The following GREB1 variants were observed in gnomAD, a reference collection of about 807,000 sequenced individuals.
GREB1 encodes the protein protein GREB1.
Under a neutral mutation model 200.7 loss-of-function variants are expected in GREB1, and 106 were observed. The observed-to-expected ratio is 0.53, with a 90% CI of 0.45 to 0.62. GREB1 has a LOEUF of 0.62. Among genes scored for constraint, GREB1 ranks in the 20% least tolerant of loss-of-function variants. The pLI is 0.00. For missense variants in GREB1, 2,243 were observed against 2,556.8 expected (o/e 0.88, Z 2.65); for synonymous variants, 1,132 against 1,092.4 (o/e 1.04, Z -0.72).
intron 1 of GREB1, among the ~76,000 whole-genome samples, chr2:11,520,192 G>A (rs1673655319): frequency 6.6e-6 from 1 of 152,180 alleles, no homozygotes; most frequent in African/African-American, 2.4e-5. Flanking sequence ...ACTCAGCCTT[G>A]TTTTAAGCTC....
At chr2:11,566,017 G>A (rs1677605357) in intron 3 of GREB1, among the ~76,000 whole-genome samples, 1 of 131,106 alleles carries the variant, frequency 7.6e-6, no homozygotes, top group Non-Finnish European at 1.5e-5. Flanking sequence ...GGATAACTAT[G>A]ATTATATATA....
chr2:11,516,201 TC>T (rs1230568458), intron 1 of GREB1, among the ~76,000 whole-genome samples: 1 of 152,126 alleles, frequency 6.6e-6, no homozygotes, highest in Non-Finnish European at 1.5e-5. Context: ...CCCAGCTTTT[TC>T]TCCTTAGTCC....
rs149265186 is a variant in GREB1 at position 11,570,291 on chromosome 2, C to T, written c.454+3635C>T. ...GGCCGTGGTGGCACATGCCTGTAAT[C>T]CCAGCTACTCGGGAGGCTGAGACAG... is the stretch of plus-strand genomic sequence containing the variant. On this transcript the variant is annotated intron_variant, in intron 4 of 32. Coordinates refer to ENST00000381486, the MANE Select transcript of GREB1 (RefSeq NM_014668.4). Among the ~76,000 whole-genome samples, 292 of 151,912 alleles carry T rather than the reference C, an allele frequency of 1.9e-3. 1 individual carries two copies. Among genetic ancestry groups the T allele is most frequent in the South Asian group, 0.013 (64 of 4,798 alleles).
At chr2:11,494,661 G>C (rs767602722) in intron 1 of GREB1, among the ~76,000 whole-genome samples, 2 of 152,176 alleles carry the variant, frequency 1.3e-5, no homozygotes, top group Non-Finnish European at 2.9e-5. Context: ...TAATGGGTGT[G>C]TAGTTAAGAG....
At chr2:11,538,787 C>A (rs1468939557) in intron 1 of GREB1, among the ~76,000 whole-genome samples, 23 of 24,640 alleles carry the variant, frequency 9.3e-4, no homozygotes, top group African/African-American at 1.8e-3. Flanking sequence ...CGTCTTCCTT[C>A]CTTCCTTCCC....
intron 13 of GREB1, 100 bp downstream of exon 13, chr2:11,596,339 G>A: frequency 9.9e-7 from 1 of 1,010,756 alleles, no homozygotes; most frequent in East Asian, 2.6e-5. Flanking sequence ...AGGGGCCATG[G>A]CGCAAGTGTG....
At chr2:11,631,226 A>G (rs1045443478) in intron 26 of GREB1, among the ~76,000 whole-genome samples, 2 of 152,168 alleles carry the variant, frequency 1.3e-5, no homozygotes, top group Admixed American at 6.5e-5. Context: ...TGCCAGTTGA[A>G]CTTATTGTTA....
At chr2:11,628,192 G>T (rs1052046431) in intron 25 of GREB1, among the ~76,000 whole-genome samples, 1 of 152,254 alleles carries the variant, frequency 6.6e-6, no homozygotes, top group Non-Finnish European at 1.5e-5. Context: ...TCCCATGGAG[G>T]TGTATGGAGG....
In GREB1 at chr2:11,576,438, C is replaced by A. The variant is rs377355100; in HGVS notation, c.540C>A (p.Thr180=). ...EFSNHINLKL[T]TQPKKQKHLK... ...CCAATCATATAAATCTGAAACTGAC[C>A]ACTCAACCCAAGAAGCAGAAACACT... Residue 180 remains threonine, a synonymous_variant, in exon 5 of 33, where the codon ACC becomes ACA. Transcript: ENST00000381486. The A allele has an allele frequency of 3.7e-5, 59 of 1,613,604 alleles. No individual in the cohort carries two copies. Among genetic ancestry groups the A allele is most frequent in the Non-Finnish European group, 5.0e-5 (59 of 1,179,618 alleles).
intron 1 of GREB1, among the ~76,000 whole-genome samples, chr2:11,536,867 A>G (rs1230765315): frequency 6.6e-6 from 1 of 152,260 alleles, no homozygotes; most frequent in African/African-American, 2.4e-5. Context: ...AGTAAGTTAC[A>G]TCAATTTTAA....
At position 11,493,292 on chromosome 2, in the gene GREB1, A is replaced by G. The variant is rs1368255720; in HGVS notation, c.-159+10911A>G. On this transcript the variant is annotated intron_variant, in intron 1 of 2. Transcript: ENST00000628795. This position sits in a 1 kb window ranked among gnomAD's most constrained non-coding sequence, Gnocchi z 4.6. ...CCAGGGTCCAGTTTCATGGAAGACA[A>G]TTTTTCCACAGACAGGGTGTGGGGG... is the stretch of plus-strand genomic sequence containing the variant. Among the ~76,000 whole-genome samples the G allele has an allele frequency of 2.0e-5, 3 of 152,010 alleles. No homozygotes were observed.
chr2:11,510,309 C>G (rs543815205), intron 1 of GREB1, among the ~76,000 whole-genome samples: 4 of 152,204 alleles, frequency 2.6e-5, no homozygotes, highest in Non-Finnish European at 5.9e-5. Context: ...GCTTTTCTCC[C>G]TGTGTAATGT....
chr2:11,519,844 A>C (rs1673645692), intron 1 of GREB1, among the ~76,000 whole-genome samples: 1 of 152,176 alleles, frequency 6.6e-6, no homozygotes. Flanking sequence ...CACCATTAAA[A>C]AATTAAATGA....
rs756398425 is a variant in GREB1 at position 11,618,294 on chromosome 2, C to T, written c.3419C>T (p.Ala1140Val). Residue 1140 changes from alanine to valine, a missense_variant, in exon 22 of 33, where the codon GCG becomes GTG. Transcript: ENST00000381486. ...CATGTTCGTCTCTCCTCAGGTTCAG[C>T]GCTCGGTGGCGAGTCCTCGGCTCAG... The part of the protein sequence containing the change: ...SSLSSKASGS[A>V]LGGESSAQPT... The T allele has an allele frequency of 2.3e-5, 36 of 1,547,104 alleles. No homozygotes were observed. Among genetic ancestry groups the T allele is most frequent in the Middle Eastern group, 3.5e-4 (2 of 5,764 alleles).
In GREB1 at chr2:11,493,471, G is replaced by A. The variant is rs1451084173; in HGVS notation, c.-159+11090G>A. On this transcript the variant is annotated intron_variant, in intron 1 of 2. Transcript: ENST00000628795. This position sits in a 1 kb window ranked among gnomAD's most constrained non-coding sequence, Gnocchi z 4.6. ...TCTGACAGGAGGTGGAGCTCAGGTG[G>A]TAATGACAGCAATGGGGAGCGACTG... Among the ~76,000 whole-genome samples, 2 of 152,140 alleles carry A rather than the reference G, an allele frequency of 1.3e-5. No individual in the cohort carries two copies. The highest frequency in any genetic ancestry group is 4.8e-5 in the African/African-American group (2 of 41,404).
At position 11,593,095 on chromosome 2, in the gene GREB1, C is replaced by T. The variant is rs763144505; in HGVS notation, c.1665C>T (p.Ser555=). The T allele has an allele frequency of 8.7e-6, 14 of 1,608,420 alleles. No individual in the cohort carries two copies. The highest frequency in any genetic ancestry group is 6.7e-5 in the Admixed American group (4 of 59,804). ...NYVVIICACR[S]AAIDSCIAVT... ...TGGTCATCATCTGCGCCTGCCGCAG[C>T]GCGGCCATCGACTCCTGCATCGCCG... Residue 555 remains serine, a synonymous_variant, in exon 11 of 33, where the codon AGC becomes AGT. Transcript: ENST00000381486.
At chr2:11,568,729 C>A (rs1677951916) in intron 4 of GREB1, among the ~76,000 whole-genome samples, 1 of 152,266 alleles carries the variant, frequency 6.6e-6, no homozygotes, top group Admixed American at 6.5e-5. Flanking sequence ...AGAGGAGGAT[C>A]TTCCAGTTCC....
chr2:11,526,498 T>C (rs1210188081), intron 1 of GREB1, among the ~76,000 whole-genome samples: 1 of 152,116 alleles, frequency 6.6e-6, no homozygotes, highest in East Asian at 1.9e-4. Flanking sequence ...TCTTATTCTC[T>C]ATAGCTACTC....
intron 25 of GREB1, 58 bp downstream of exon 25, chr2:11,627,162 C>T: frequency 6.8e-7 from 1 of 1,464,518 alleles, no homozygotes; most frequent in South Asian, 1.4e-5. Context: ...GTCCGTTCCC[C>T]TGCTCTCTCA....
Sources: allele counts gnomAD v4.1 joint callset (sites outside exome capture counted in the v4.1 genomes callset), GRCh38; gene constraint gnomAD v4.1.1; non-coding constraint Gnocchi (gnomAD v3.1); transcripts MANE v1.5; gene names NCBI Gene and HGNC (gene_info 2026-07-23, HGNC 2026-07-21).